The following EIF4G3 variants were observed in gnomAD, a reference collection of about 807,000 sequenced individuals.
The protein encoded by EIF4G3 is eIF-4-gamma 3.
In EIF4G3, 34 loss-of-function variants were observed where a neutral mutation model predicts 186.4. The ratio of observed to expected loss-of-function variants is 0.18; its 90% CI spans 0.14 to 0.24. EIF4G3 has a LOEUF of 0.24. EIF4G3 is among the 10% of genes least tolerant of loss of function. The pLI is 1.00. For missense variants in EIF4G3, 1,536 were observed against 1,948.5 expected (o/e 0.79, Z 3.99); for synonymous variants, 673 against 679.5 (o/e 0.99, Z 0.15).
chr1:21,115,110 A>G (rs1419008045), intron 2 of EIF4G3, among the ~76,000 whole-genome samples: 1 of 152,256 alleles, frequency 6.6e-6, no homozygotes, highest in Non-Finnish European at 1.5e-5. Context: ...TCATGTGTTC[A>G]CTGGAGCAGC....
intron 2 of EIF4G3, among the ~76,000 whole-genome samples, chr1:21,172,009 T>C (rs2097985886): frequency 6.6e-6 from 1 of 151,374 alleles, no homozygotes; most frequent in Admixed American, 6.6e-5. Context: ...ACAGATCAGA[T>C]CAGGTATGTA....
At chr1:21,137,517 A>G (rs985488673) in intron 2 of EIF4G3, among the ~76,000 whole-genome samples, 2 of 152,148 alleles carry the variant, frequency 1.3e-5, no homozygotes, top group Non-Finnish European at 2.9e-5. Flanking sequence ...GTATTCAACA[A>G]AGTATAGCTG....
At chr1:21,130,216 CTTTTTTTTT>C (rs71014159) in intron 2 of EIF4G3, among the ~76,000 whole-genome samples, 11 of 75,346 alleles carry the variant, frequency 1.5e-4, no homozygotes, top group African/African-American at 3.7e-4. Context: ...GACCCCATCT[CTTTTTTTTT>C]TTTTTTTTTT....
chr1:21,062,090 G>C (rs994048815), intron 3 of EIF4G3, among the ~76,000 whole-genome samples: 9 of 151,476 alleles, frequency 5.9e-5, no homozygotes, highest in African/African-American at 1.9e-4. Flanking sequence ...GCAGGGTCTT[G>C]CTCTGTCACT....
intron 6 of EIF4G3, among the ~76,000 whole-genome samples, chr1:20,998,182 T>A (rs972911886): frequency 8.6e-5 from 13 of 151,522 alleles, no homozygotes; most frequent in African/African-American, 3.2e-4. Context: ...TCTTAATTTC[T>A]TGGAGTTAAA....
At chr1:21,114,666 T>G (rs890864423) in intron 2 of EIF4G3, among the ~76,000 whole-genome samples, 4 of 152,236 alleles carry the variant, frequency 2.6e-5, no homozygotes, top group Non-Finnish European at 4.4e-5. Flanking sequence ...CTTCCCATTT[T>G]ATCACACAGA....
intron 2 of EIF4G3, among the ~76,000 whole-genome samples, chr1:21,163,414 C>A (rs1446282614): frequency 1.3e-5 from 2 of 152,156 alleles, no homozygotes; most frequent in East Asian, 3.8e-4. Context: ...ACATTAGCCT[C>A]AAAGATTCAA....
intron 32 of EIF4G3, among the ~76,000 whole-genome samples, chr1:20,825,882 T>C (rs2063484307): frequency 1.3e-5 from 2 of 152,156 alleles, no homozygotes; most frequent in African/African-American, 2.4e-5. Context: ...AAAGAAGAGC[T>C]GTTGTCAGGT....
intron 2 of EIF4G3, among the ~76,000 whole-genome samples, chr1:21,132,769 C>T (rs1382637786): frequency 6.6e-6 from 1 of 151,620 alleles, no homozygotes; most frequent in Non-Finnish European, 1.5e-5. Flanking sequence ...CCAAATTTTC[C>T]TTTTTTAAAA....
At chr1:20,863,378 T>TAAAAAAAAAAAAA (rs3051243) in intron 22 of EIF4G3, among the ~76,000 whole-genome samples, 1 of 102,492 alleles carries the variant, frequency 9.8e-6, no homozygotes, top group Admixed American at 1.1e-4. Flanking sequence ...CTACAAAAAG[T>TAAAAAAAAAAAAA]AAAAAAAAAA....
intron 19 of EIF4G3, among the ~76,000 whole-genome samples, chr1:20,884,140 A>G (rs1294542951): frequency 6.6e-6 from 1 of 152,252 alleles, no homozygotes; most frequent in African/African-American, 2.4e-5. Flanking sequence ...AAGAAAAAAG[A>G]AGGTTGTACT....
In EIF4G3 at chr1:21,136,157, T is replaced by C. The variant is rs1012969970; in HGVS notation, c.-272+40018A>G. On this transcript the variant is annotated intron_variant, in intron 2 of 36. Coordinates refer to ENST00000602326, the MANE Select transcript of EIF4G3 (RefSeq NM_001391906.1). Reference sequence around the variant, plus strand: ...GAGATTGCGCTACTGCAGTCCGCAGTCCGGCCTGGGCGACAGAGCGAGACT... The same window carrying C: ...GAGATTGCGCTACTGCAGTCCGCAGCCCGGCCTGGGCGACAGAGCGAGACT... 2.7e-5 allele frequency among the ~76,000 whole-genome samples: 4 copies of C among 150,710 alleles called. No homozygotes were observed. The Admixed American group carries it at 2.7e-4, about 10-fold the overall frequency.
intron 14 of EIF4G3, among the ~76,000 whole-genome samples, chr1:20,926,065 T>A (rs2094864938): frequency 6.6e-6 from 1 of 152,224 alleles, no homozygotes; most frequent in African/African-American, 2.4e-5. Context: ...TCATCTTTCA[T>A]ATAAAAATAT....
intron 14 of EIF4G3, chr1:20,941,252 C>G: frequency 6.5e-7 from 1 of 1,547,146 alleles, no homozygotes; most frequent in Non-Finnish European, 8.7e-7. Flanking sequence ...TGTTTCGTGA[C>G]ATATACCTTG....
At chr1:21,005,886 A>G (rs1178576806) in intron 4 of EIF4G3, among the ~76,000 whole-genome samples, 7 of 152,234 alleles carry the variant, frequency 4.6e-5, no homozygotes, top group Non-Finnish European at 1.0e-4. Context: ...TTATATTTAC[A>G]TTGCACATAT....
rs574906360 is a variant in EIF4G3 at position 20,850,636 on chromosome 1, C to T, written c.3772+622G>A. Among the ~76,000 whole-genome samples the T allele has an allele frequency of 1.1e-4, 17 of 152,254 alleles. 1 individual carries two copies. The East Asian group carries it at 2.5e-3, about 22-fold the overall frequency. ...CTTTTTGAAAACCTTGTATTTATCA[C>T]GTAATGTTCTAAGTGTTTACGTGTA... On this transcript the variant is annotated intron_variant, in intron 28 of 36. Coordinates refer to ENST00000602326, the MANE Select transcript of EIF4G3 (RefSeq NM_001391906.1).
At chr1:21,119,293 TATGAA>T (rs2096884802) in intron 2 of EIF4G3, among the ~76,000 whole-genome samples, 1 of 152,004 alleles carries the variant, frequency 6.6e-6, no homozygotes. Context: ...GAGATAATCT[TATGAA>T]ATGAATGTCT....
intron 34 of EIF4G3, among the ~76,000 whole-genome samples, chr1:20,815,510 G>A (rs1570929662): frequency 6.6e-6 from 1 of 151,784 alleles, no homozygotes; most frequent in Non-Finnish European, 1.5e-5. Context: ...CTGCCCGGCC[G>A]CCCCGTCTGA....
intron 6 of EIF4G3, chr1:20,998,783 C>T (rs955713657): frequency 1.0e-5 from 4 of 394,268 alleles, no homozygotes; most frequent in Non-Finnish European, 2.0e-5. Context: ...GTTAACCACT[C>T]CCTTTAATAG....
Sources: allele counts gnomAD v4.1 joint callset (sites outside exome capture counted in the v4.1 genomes callset), GRCh38; gene constraint gnomAD v4.1.1; transcripts MANE v1.5; gene names NCBI Gene and HGNC (gene_info 2026-07-23, HGNC 2026-07-21).